ASXL1: variants seen among roughly 807,000 people sequenced by gnomAD.
ASXL1 encodes the protein polycomb group protein ASXL1.
ASXL1 carries 65 observed loss-of-function variants against 89.1 expected under a neutral mutation model. The observed-to-expected ratio is 0.73, with a 90% CI of 0.60 to 0.90. The LOEUF (loss-of-function observed/expected upper bound fraction) is 0.90, where lower values mean the gene tolerates loss of function less well. Ranked by LOEUF, ASXL1 falls within the 40% of genes least tolerant of loss-of-function variation. The pLI, the probability that ASXL1 is intolerant of heterozygous loss-of-function variation, is 0.00. For missense variants in ASXL1, 1,786 were observed against 1,942.9 expected (o/e 0.92, Z 1.52); for synonymous variants, 739 against 746.9 (o/e 0.99, Z 0.17).
chr20:32,406,414 G>A (rs1399541820), intron 4 of ASXL1, among the ~76,000 whole-genome samples: 1 of 151,968 alleles, frequency 6.6e-6, no homozygotes, highest in African/African-American at 2.4e-5. Flanking sequence ...AGCCAGGTGT[G>A]GTGGCACATG....
At chr20:32,404,002 A>G (rs1191211647) in intron 4 of ASXL1, among the ~76,000 whole-genome samples, 1 of 152,134 alleles carries the variant, frequency 6.6e-6, no homozygotes, top group Admixed American at 6.5e-5. Context: ...TCAAATATTT[A>G]TCATTTCTTT....
In ASXL1 at chr20:32,434,797, A is replaced by AT; in HGVS notation, c.2085_2086insT (p.Leu696SerfsTer22). Reference sequence around the variant, plus strand: ...GTACGTCAGATCTACAGCGAACACAACTACTGCCGCCTTATCCTCTAAATG... The same window carrying AT: ...GTACGTCAGATCTACAGCGAACACAATCTACTGCCGCCTTATCCTCTAAATG... On this transcript the variant is annotated frameshift_variant, in exon 13 of 13. Coordinates refer to ENST00000375687, the MANE Select transcript of ASXL1 (RefSeq NM_015338.6). LOFTEE classifies it low-confidence loss of function (END_TRUNC). 1 of 1,613,982 alleles carries AT rather than the reference A, an allele frequency of 6.2e-7. No homozygotes were observed. Among genetic ancestry groups the AT allele is most frequent in the Non-Finnish European group, 8.5e-7 (1 of 1,180,026 alleles).
At chr20:32,432,232 A>G (rs897676972) in intron 10 of ASXL1, 6 of 180,304 alleles carry the variant, frequency 3.3e-5, no homozygotes, top group Non-Finnish European at 7.1e-5. Context: ...GGTGGGGTCC[A>G]GGGGAAACCA....
At position 32,438,071 on chromosome 20, in the gene ASXL1, T is replaced by A. The variant is rs1173749707; in HGVS notation, c.*733T>A. 2 of 233,510 alleles carry A rather than the reference T, an allele frequency of 8.6e-6. No individual in the cohort carries two copies. Among genetic ancestry groups the A allele is most frequent in the African/African-American group, 4.4e-5 (2 of 45,336 alleles). 14.5% of individuals were successfully genotyped at this position (233,510 alleles called of 1,614,324 possible). ...AGACCTTGTGAGTCAGCCGTCCAGA[T>A]GTTTGCAGGTGAATTCCTCTGCTTG... On this transcript the variant is annotated 3_prime_UTR_variant, in exon 13 of 13. Transcript: ENST00000375687.
chr20:32,359,733 G>A (rs1384497328), intron 1 of ASXL1: 32 of 718,034 alleles, frequency 4.5e-5, no homozygotes, highest in Admixed American at 3.0e-4. Flanking sequence ...GTTTGAAGCC[G>A]TCTCGTTCAA....
chr20:32,398,688 C>G (rs2048814190), intron 4 of ASXL1, among the ~76,000 whole-genome samples: 2 of 147,406 alleles, frequency 1.4e-5, no homozygotes, highest in South Asian at 4.3e-4. Flanking sequence ...CGGCTCACTG[C>G]AAGCTCCACC....
intron 4 of ASXL1, among the ~76,000 whole-genome samples, chr20:32,378,003 T>TGTGTGTGTGTGTGTGTGTGTG (rs56248414): frequency 5.9e-4 from 85 of 144,662 alleles, no homozygotes; most frequent in East Asian, 1.0e-3. Context: ...TGTGTGTGTG[T>TGTGTGTGTGTGTGTGTGTGTG]TTTGGAGACA....
chr20:32,427,619 G>A (rs769239055), intron 4 of ASXL1: 27 of 182,246 alleles, frequency 1.5e-4, no homozygotes, highest in Non-Finnish European at 2.7e-4. Context: ...CTGTCTAGTT[G>A]CTAATTTATT....
At chr20:32,380,036 CT>C (rs1203871865) in intron 4 of ASXL1, among the ~76,000 whole-genome samples, 1 of 143,826 alleles carries the variant, frequency 7.0e-6, no homozygotes. Context: ...AATCCCAGCA[CT>C]TTGGTAGGCT....
chr20:32,381,383 G>A (rs1325843349), intron 4 of ASXL1, among the ~76,000 whole-genome samples: 16 of 151,664 alleles, frequency 1.1e-4, no homozygotes, highest in Admixed American at 1.1e-3. Context: ...TTTTTTATTT[G>A]TAGAGAAGAG....
At chr20:32,407,728 G>A (rs2048979837) in intron 4 of ASXL1, among the ~76,000 whole-genome samples, 1 of 152,138 alleles carries the variant, frequency 6.6e-6, no homozygotes, top group South Asian at 2.1e-4. Context: ...GCCTCCCAAA[G>A]TGCTGGTGAG....
At chr20:32,427,587 A>T (rs1314884744) in intron 4 of ASXL1, 1 of 173,480 alleles carries the variant, frequency 5.8e-6, no homozygotes, top group African/African-American at 2.4e-5. Flanking sequence ...AACTTCCTAC[A>T]ATCTCTCTAC....
Position 32,358,337 on chromosome 20 carries a change from A to C in ASXL1, c.-439A>C, listed in dbSNP as rs1484022552. ...CTCCCCCTCCTCACTCTTCACACACACTCACACACACCCACGGCAGACACG... is the reference window on the plus strand; with the variant it reads ...CTCCCCCTCCTCACTCTTCACACACCCTCACACACACCCACGGCAGACACG... On this transcript the variant is annotated 5_prime_UTR_variant, in exon 1 of 13. Coordinates refer to ENST00000375687, the MANE Select transcript of ASXL1 (RefSeq NM_015338.6). 1.3e-5 allele frequency: 3 copies of C among 229,046 alleles called. No individual in the cohort carries two copies. Among genetic ancestry groups the C allele is most frequent in the Non-Finnish European group, 2.6e-5 (3 of 117,518 alleles). 14.2% of individuals were successfully genotyped at this position (229,046 alleles called of 1,614,324 possible).
chr20:32,427,749 C>T (rs527967448), intron 4 of ASXL1: 15 of 289,240 alleles, frequency 5.2e-5, no homozygotes, highest in African/African-American at 1.7e-4. Context: ...TGGGCTGCCA[C>T]GGCTCTCCAT....
Position 32,427,466 on chromosome 20 carries a change from T to C in ASXL1, c.253-662T>C, listed in dbSNP as rs184360759. 1.4e-3 allele frequency: 227 copies of C among 160,282 alleles called. 2 individuals are homozygous for C. The highest frequency in any genetic ancestry group is 5.0e-3 in the African/African-American group (210 of 41,600). 9.9% of individuals were successfully genotyped at this position (160,282 alleles called of 1,614,324 possible). On this transcript the variant is annotated intron_variant, in intron 4 of 12. Transcript: ENST00000375687. ...AATTCTTGATCCCTCCACATGGGTC[T>C]TACCATCTGCCCTCGTGCCCTCTCT...
rs1569333361 is a variant in ASXL1, at chr20:32,435,502, G to A, written c.2790G>A (p.Trp930Ter). The A allele has an allele frequency of 6.2e-7, 1 of 1,613,984 alleles. No individual in the cohort carries two copies. The highest frequency in any genetic ancestry group is 1.1e-5 in the South Asian group (1 of 91,084). The change falls in exon 13 of 13, where the codon TGG (tryptophan) becomes TGA (stop). Residue 930 changes from tryptophan (W) to a stop codon, truncating the protein, a stop_gained. Coordinates refer to ENST00000375687, the MANE Select transcript of ASXL1 (RefSeq NM_015338.6). LOFTEE classifies it low-confidence loss of function (END_TRUNC). The stretch of plus-strand genomic sequence containing the variant: ...TTGAGCCCCAGGTTGGAGAGGAGTG[G>A]GAGAAAGCTGCTCCCACCCCTCCTG... ...PSVEPQVGEE[W>*]EKAAPTPPAL... is the part of the protein sequence containing the mutation.
At chr20:32,404,004 C>T (rs913008241) in intron 4 of ASXL1, among the ~76,000 whole-genome samples, 3 of 151,920 alleles carry the variant, frequency 2.0e-5, no homozygotes, top group Non-Finnish European at 4.4e-5. Flanking sequence ...AAATATTTAT[C>T]ATTTCTTTAT....
chr20:32,392,555 C>G (rs1041919204), intron 4 of ASXL1, among the ~76,000 whole-genome samples: 2 of 145,352 alleles, frequency 1.4e-5, no homozygotes, highest in Admixed American at 6.8e-5. Context: ...GTTGGAAGGC[C>G]GAGGCGGGCA....
At chr20:32,375,532 T>C (rs1478264041) in intron 4 of ASXL1, among the ~76,000 whole-genome samples, 2 of 152,164 alleles carry the variant, frequency 1.3e-5, no homozygotes, top group Non-Finnish European at 2.9e-5. Context: ...TTAACATTGA[T>C]ATGATTGTGT....
Sources: allele counts gnomAD v4.1 joint callset (sites outside exome capture counted in the v4.1 genomes callset), GRCh38; gene constraint gnomAD v4.1.1; transcripts MANE v1.5; gene names NCBI Gene and HGNC (gene_info 2026-07-23, HGNC 2026-07-21).